Variants in GNG4 observed in about 807,000 individuals in gnomAD.
GNG4 encodes the protein guanine nucleotide-binding protein G(I)/G(S)/G(O) subunit gamma-4.
A neutral mutation model predicts 5.8 loss-of-function variants in GNG4; 4 were observed. The observed-to-expected ratio is 0.69, with a 90% CI of 0.34 to 1.57. The LOEUF is 1.57. Ranked by LOEUF, GNG4 falls within the 40% of genes most tolerant of loss-of-function variation. The pLI is 0.06. For missense variants in GNG4, 96 were observed against 95.1 expected (o/e 1.01, Z -0.04); for synonymous variants, 29 against 32.9 (o/e 0.88, Z 0.41).
At chr1:235,583,952 C>A in intron 2 of GNG4, 104 bp from the exon 3 acceptor site, 1 of 613,166 alleles carries the variant, frequency 1.6e-6, no homozygotes, top group Non-Finnish European at 2.9e-6. Context: ...CAGGGAGCAT[C>A]TGGGAGCATG....
At chr1:235,599,441 C>T (rs537036188) in intron 1 of GNG4, among the ~76,000 whole-genome samples, 6 of 152,014 alleles carry the variant, frequency 3.9e-5, no homozygotes, top group East Asian at 1.9e-4. Flanking sequence ...CTCAGCCTCC[C>T]GAGTAGCTGG....
At chr1:235,626,958 CAAAAAAAAAAAAAAAAAAAAAAAAAAA>C (rs776506587) in intron 1 of GNG4, among the ~76,000 whole-genome samples, 179 of 77,366 alleles carry the variant, frequency 2.3e-3, no homozygotes, top group Middle Eastern at 6.6e-3. Context: ...GACTCTATCT[CAAAAAAAAAAAAAAAAAAAAAAAAAAA>C]AAAAAAAAAA....
At chr1:235,595,946 G>A (rs999813555) in intron 1 of GNG4, among the ~76,000 whole-genome samples, 1 of 151,920 alleles carries the variant, frequency 6.6e-6, no homozygotes, top group Non-Finnish European at 1.5e-5. Context: ...AGGCCGAGGC[G>A]GGCGGATCAC....
At chr1:235,595,808 C>G (rs1688109315) in intron 1 of GNG4, among the ~76,000 whole-genome samples, 1 of 152,216 alleles carries the variant, frequency 6.6e-6, no homozygotes, top group Non-Finnish European at 1.5e-5. Context: ...CTCTGCCCCC[C>G]AACACAAGGA....
intron 3 of GNG4, among the ~76,000 whole-genome samples, chr1:235,580,735 T>G: frequency 8.2e-6 from 1 of 122,570 alleles, no homozygotes; most frequent in African/African-American, 3.0e-5. Flanking sequence ...TGGCGGCCTA[T>G]CCCGTTTTTT....
chr1:235,640,635 G>A (rs1211700834), intron 1 of GNG4, among the ~76,000 whole-genome samples: 7 of 152,250 alleles, frequency 4.6e-5, no homozygotes, highest in African/African-American at 1.4e-4. Context: ...GCCAAGCTGC[G>A]TCCTTGAGCC....
intron 1 of GNG4, among the ~76,000 whole-genome samples, chr1:235,631,416 C>T (rs1288695414): frequency 6.6e-6 from 1 of 152,224 alleles, no homozygotes; most frequent in Non-Finnish European, 1.5e-5. Context: ...GCTCTATCAG[C>T]TGAGAACCTC....
chr1:235,639,358 G>A (rs986936173), intron 1 of GNG4, among the ~76,000 whole-genome samples: 1 of 152,208 alleles, frequency 6.6e-6, no homozygotes, highest in African/African-American at 2.4e-5. Flanking sequence ...ATTAATGTGA[G>A]CCATAATCAT....
chr1:235,588,051 T>A (rs550173825), intron 2 of GNG4, among the ~76,000 whole-genome samples: 1 of 151,904 alleles, frequency 6.6e-6, no homozygotes, highest in South Asian at 2.1e-4. Flanking sequence ...TGCGCCCACC[T>A]CTCTCCCTCC....
intron 2 of GNG4, among the ~76,000 whole-genome samples, chr1:235,592,003 A>C (rs1687975106): frequency 6.6e-6 from 1 of 152,234 alleles, no homozygotes; most frequent in Non-Finnish European, 1.5e-5. Flanking sequence ...CTTGATAAGC[A>C]AGAAGGTAAT....
chr1:235,568,895 C>T (rs1026838341), intron 3 of GNG4, among the ~76,000 whole-genome samples: 2 of 150,920 alleles, frequency 1.3e-5, no homozygotes, highest in East Asian at 1.9e-4. Flanking sequence ...GGTGTGATCC[C>T]GGCTCACTGA....
At chr1:235,562,044 C>T (rs1299141685) in intron 3 of GNG4, among the ~76,000 whole-genome samples, 2 of 152,170 alleles carry the variant, frequency 1.3e-5, no homozygotes, top group East Asian at 1.9e-4. Context: ...GTTGTTCTTA[C>T]AGTATTTGTT....
intron 1 of GNG4, among the ~76,000 whole-genome samples, chr1:235,631,590 A>G (rs993818611): frequency 6.9e-5 from 10 of 144,322 alleles, no homozygotes; most frequent in Non-Finnish European, 1.1e-4. Context: ...TTTTTTTTTC[A>G]GACAGAGTCT....
At chr1:235,597,230 G>A (rs1571905123) in intron 1 of GNG4, among the ~76,000 whole-genome samples, 1 of 152,214 alleles carries the variant, frequency 6.6e-6, no homozygotes, top group African/African-American at 2.4e-5. Flanking sequence ...TAATGAACTT[G>A]GAGCAAAGCT....
rs946588157 is a variant in GNG4 at position 235,567,243 on chromosome 1, G to A, written c.100-15006C>T. Among the ~76,000 whole-genome samples the A allele has an allele frequency of 3.9e-5, 6 of 151,992 alleles. No homozygotes were observed. In the East Asian group the frequency reaches 9.6e-4, roughly 24 times the overall value. ...GCCACTGCACCCGGCATAAAAAAAT[G>A]TTTAATTATAGGACTATATGTTTAT... On this transcript the variant is annotated intron_variant, in intron 3 of 3. Transcript: ENST00000391854.
In GNG4 at chr1:235,552,318, G is replaced by A. The variant is rs527767470; in HGVS notation, c.100-81C>T. ...CAGGGAAGAGGTGTCCACGTACAGA[G>A]GGGACAAGCCCTAGGGTAGGCTGTA... On this transcript the variant is annotated intron_variant, in intron 3 of 3. Transcript: ENST00000391854. 801 of 1,249,024 alleles carry A rather than the reference G, an allele frequency of 6.4e-4. 3 individuals carry two copies. In the African/African-American group the frequency reaches 9.0e-3, roughly 14 times the overall value. The allele number at this position is 1,249,024 out of a possible 1,614,324, so 77.4% of individuals were successfully genotyped here. A position where few individuals can be genotyped will look rare whatever the true frequency, so the allele number is the denominator to read the frequency against.
rs1657577548 is a variant in GNG4, at chr1:235,648,708, C to G, written c.-123+954G>C. On this transcript the variant is annotated intron_variant, in intron 1 of 3. Transcript: ENST00000391854. The surrounding 1 kb of genome is among the most constrained non-coding windows in gnomAD (Gnocchi z 5.0). The stretch of plus-strand genomic sequence containing the variant: ...GAGCACACGGGCGCAGCCTAGGCGG[C>G]CTTTTGCTCCGGCTGAGAGGCACGG... Among the ~76,000 whole-genome samples the G allele has an allele frequency of 6.6e-6, 1 of 152,244 alleles. No homozygotes were observed. Among genetic ancestry groups the G allele is most frequent in the Non-Finnish European group, 1.5e-5 (1 of 68,048 alleles).
intron 1 of GNG4, among the ~76,000 whole-genome samples, chr1:235,624,104 CT>C (rs34430706): frequency 0.2 from 28,214 of 138,618 alleles, 4,611 homozygotes; most frequent in East Asian, 0.59. Context: ...TGGCCAATTC[CT>C]TTTTTTTTTT....
intron 2 of GNG4, among the ~76,000 whole-genome samples, chr1:235,584,334 A>G (rs1687711558): frequency 6.6e-6 from 1 of 152,214 alleles, no homozygotes; most frequent in South Asian, 2.1e-4. Context: ...TACAGCCAAC[A>G]TTTGTGGATC....
Sources: allele counts gnomAD v4.1 joint callset (sites outside exome capture counted in the v4.1 genomes callset), GRCh38; gene constraint gnomAD v4.1.1; non-coding constraint Gnocchi (gnomAD v3.1); transcripts MANE v1.5; gene names NCBI Gene and HGNC (gene_info 2026-07-23, HGNC 2026-07-21).